The following SYN3 variants were observed in gnomAD, a reference collection of about 807,000 sequenced individuals.
SYN3 encodes synapsin III.
SYN3 carries 35 observed loss-of-function variants against 65.8 expected under a neutral mutation model. The ratio of observed to expected loss-of-function variants is 0.53; its 90% confidence interval spans 0.41 to 0.70. SYN3 has a LOEUF of 0.70. SYN3 is among the 30% of genes least tolerant of loss of function. The pLI is 0.00. For missense variants in SYN3, 680 were observed against 749.0 expected, an observed-to-expected ratio of 0.91 and a Z score of 1.08; for synonymous variants, 270 against 292.9, an observed-to-expected ratio of 0.92 and a Z score of 0.80.
At chr22:33,008,974 G>A (rs4821115) in intron 1 of SYN3, among the ~76,000 whole-genome samples, 98,305 of 129,810 alleles carry the variant, frequency 0.76, 37,657 homozygotes, top group African/African-American at 0.87. Context: ...GAGAGAGAGA[G>A]AAAAGAAAAA....
intron 6 of SYN3, among the ~76,000 whole-genome samples, chr22:32,678,286 C>T (rs1045552638): frequency 2.0e-5 from 3 of 152,152 alleles, no homozygotes; most frequent in African/African-American, 4.8e-5. Context: ...GCACCTGCGG[C>T]CCAGTCCAGT....
At chr22:32,745,637 C>A (rs1466506745) in intron 6 of SYN3, among the ~76,000 whole-genome samples, 1 of 152,148 alleles carries the variant, frequency 6.6e-6, no homozygotes, top group Non-Finnish European at 1.5e-5. Context: ...TATTTGGCAC[C>A]TCCAAGTACC....
intron 6 of SYN3, among the ~76,000 whole-genome samples, chr22:32,604,832 ACT>A (rs1163566212): frequency 6.6e-6 from 1 of 151,054 alleles, no homozygotes. Context: ...GGTGAAACCC[ACT>A]CTCTACTAAA....
chr22:32,757,294 CTTTTTTT>C (rs148259174), intron 6 of SYN3, among the ~76,000 whole-genome samples: 2 of 113,192 alleles, frequency 1.8e-5, no homozygotes, highest in Non-Finnish European at 1.8e-5. Flanking sequence ...CTCCTCCTAC[CTTTTTTT>C]TTTTTTTTTT....
At chr22:32,540,656 T>A (rs1036994286) in intron 8 of SYN3, among the ~76,000 whole-genome samples, 2 of 152,200 alleles carry the variant, frequency 1.3e-5, no homozygotes, top group Non-Finnish European at 2.9e-5. Context: ...TTGAACCACC[T>A]CTAGGGTGAA....
intron 6 of SYN3, among the ~76,000 whole-genome samples, chr22:32,737,164 G>T (rs1239760197): frequency 2.0e-5 from 3 of 152,212 alleles, no homozygotes; most frequent in Non-Finnish European, 4.4e-5. Context: ...TAATAGGTCA[G>T]CTCAGTCTTA....
At chr22:32,658,600 G>A (rs2146988630) in intron 6 of SYN3, among the ~76,000 whole-genome samples, 1 of 152,300 alleles carries the variant, frequency 6.6e-6, no homozygotes, top group Admixed American at 6.5e-5. Flanking sequence ...CATCCATAAG[G>A]CATTTCAGGC....
intron 6 of SYN3, among the ~76,000 whole-genome samples, chr22:32,610,286 C>T (rs2032733632): frequency 6.6e-6 from 1 of 151,560 alleles, no homozygotes; most frequent in African/African-American, 2.4e-5. Flanking sequence ...GTCCCCCTGC[C>T]CCCCCCAAAA....
intron 1 of SYN3, among the ~76,000 whole-genome samples, chr22:33,049,110 C>T (rs543867816): frequency 9.2e-5 from 14 of 152,284 alleles, no homozygotes; most frequent in Middle Eastern, 3.4e-3. Flanking sequence ...GTATTTTTGG[C>T]TACACATGAT....
Position 32,528,914 on chromosome 22 carries a change from G to A in SYN3, c.1190C>T (p.Pro397Leu), listed in dbSNP as rs773624225. ...GGAGGGCGCTGTGCCTCCTGGCATC[G>A]GGAGCTGGCTCATTTTGGAGACAAC... ...DLVVSKMSQL[P>L]MPGGTAPSPL... Residue 397 changes from proline (P) to leucine (L), a missense_variant, in exon 11 of 14, where the codon CCG (proline) becomes CTG (leucine). Coordinates refer to ENST00000358763, the MANE Select transcript of SYN3 (RefSeq NM_003490.4). The A allele has an allele frequency of 8.7e-6, 14 of 1,614,008 alleles. No individual in the cohort carries two copies. Among genetic ancestry groups the A allele is most frequent in the African/African-American group, 5.3e-5 (4 of 74,922 alleles).
At chr22:32,615,448 A>G (rs1302937857) in intron 6 of SYN3, among the ~76,000 whole-genome samples, 7 of 149,450 alleles carry the variant, frequency 4.7e-5, no homozygotes, top group South Asian at 2.1e-4. Context: ...AAAAAAAAAA[A>G]AAAGAAAAAA....
chr22:32,611,714 G>T (rs1679255212), intron 6 of SYN3, among the ~76,000 whole-genome samples: 1 of 152,186 alleles, frequency 6.6e-6, no homozygotes, highest in African/African-American at 2.4e-5. Flanking sequence ...TGTTCAGGAT[G>T]CTGTGACGTG....
chr22:33,053,694 T>G (rs986742148), intron 1 of SYN3, among the ~76,000 whole-genome samples: 4 of 152,178 alleles, frequency 2.6e-5, no homozygotes, highest in Admixed American at 2.0e-4. Flanking sequence ...AAATTCAGCT[T>G]AAACATCACT....
At chr22:33,013,704 C>T (rs538476054) in intron 1 of SYN3, among the ~76,000 whole-genome samples, 9 of 152,044 alleles carry the variant, frequency 5.9e-5, no homozygotes, top group African/African-American at 9.7e-5. Flanking sequence ...ACTCTCTGAC[C>T]GACATGTCCG....
intron 6 of SYN3, among the ~76,000 whole-genome samples, chr22:32,655,108 G>C (rs2060124466): frequency 1.3e-5 from 2 of 152,214 alleles, no homozygotes; most frequent in South Asian, 4.1e-4. Context: ...GTGATGGTAT[G>C]AAGAGATGGG....
chr22:32,906,493 T>G (rs554619733), intron 4 of SYN3, among the ~76,000 whole-genome samples: 2 of 152,240 alleles, frequency 1.3e-5, no homozygotes, highest in East Asian at 3.9e-4. Context: ...GTAAATATAT[T>G]AATATCTTTT....
intron 7 of SYN3, among the ~76,000 whole-genome samples, chr22:32,561,108 G>A (rs1277722172): frequency 6.6e-6 from 1 of 152,164 alleles, no homozygotes; most frequent in Non-Finnish European, 1.5e-5. Context: ...GACAGCCCCA[G>A]TCAGACGACA....
At chr22:32,712,172 C>G (rs2060974956) in intron 6 of SYN3, among the ~76,000 whole-genome samples, 1 of 152,202 alleles carries the variant, frequency 6.6e-6, no homozygotes, top group South Asian at 2.1e-4. Flanking sequence ...CACTTGTGCT[C>G]TTTAGTTTTC....
chr22:32,946,762 G>T (rs1209944171), intron 3 of SYN3, among the ~76,000 whole-genome samples: 2 of 152,086 alleles, frequency 1.3e-5, no homozygotes, highest in Non-Finnish European at 2.9e-5. Context: ...TTTAGTAAAT[G>T]AAGATGGCTG....
Sources: gnomAD v4.1 joint callset for allele counts (sites outside exome capture counted in the v4.1 genomes callset) on GRCh38, gnomAD v4.1.1 for gene constraint, MANE v1.5 for transcripts, NCBI Gene and HGNC (gene_info 2026-07-23, HGNC 2026-07-21) for gene names.